The following DLG2 variants were observed in gnomAD, a reference collection of about 807,000 sequenced individuals.
DLG2 encodes discs large MAGUK scaffold protein 2.
Under a neutral mutation model 132.5 loss-of-function variants are expected in DLG2, and 45 were observed. The observed-to-expected ratio is 0.34, with a 90% CI of 0.27 to 0.44. DLG2 has a LOEUF of 0.44. Ranked by LOEUF, DLG2 falls within the 20% of genes least tolerant of loss-of-function variation. DLG2 has a pLI of 1.00. For synonymous variants in DLG2, 424 were observed against 419.6 expected (o/e 1.01, Z -0.13); for missense variants, 1,045 against 1,196.9 (o/e 0.87, Z 1.87).
chr11:83,958,253 G>A (rs1680715304), intron 14 of DLG2, among the ~76,000 whole-genome samples: 1 of 152,132 alleles, frequency 6.6e-6, no homozygotes, highest in Non-Finnish European at 1.5e-5. Context: ...GAGTAGATGT[G>A]GACTCCAGAC....
At chr11:85,114,829 G>A (rs973539272) in intron 5 of DLG2, among the ~76,000 whole-genome samples, 10 of 151,836 alleles carry the variant, frequency 6.6e-5, no homozygotes, top group African/African-American at 2.4e-4. Context: ...AAAAACATGG[G>A]AATATTTTTT....
chr11:84,321,885 G>A (rs1244899321), intron 7 of DLG2, among the ~76,000 whole-genome samples: 1 of 152,090 alleles, frequency 6.6e-6, no homozygotes, highest in African/African-American at 2.4e-5. Context: ...TGAATACCGG[G>A]TCACCTTCTA....
chr11:84,341,717 CT>C (rs1392949787), intron 7 of DLG2, among the ~76,000 whole-genome samples: 2 of 152,220 alleles, frequency 1.3e-5, no homozygotes, highest in African/African-American at 4.8e-5. Context: ...GTAAAAAACA[CT>C]TTTTGAATGG....
intron 12 of DLG2, among the ~76,000 whole-genome samples, chr11:83,969,012 A>G (rs1050691059): frequency 6.6e-6 from 1 of 152,218 alleles, no homozygotes; most frequent in Non-Finnish European, 1.5e-5. Flanking sequence ...TAATACTTGC[A>G]TGCCATATAT....
intron 6 of DLG2, among the ~76,000 whole-genome samples, chr11:84,537,386 G>A (rs910540900): frequency 3.0e-4 from 46 of 152,052 alleles, no homozygotes; most frequent in Admixed American, 8.5e-4. Flanking sequence ...GATTACAGGC[G>A]TGAGCCACCG....
intron 6 of DLG2, among the ~76,000 whole-genome samples, chr11:84,975,269 A>G (rs1245083525): frequency 6.6e-6 from 1 of 152,190 alleles, no homozygotes; most frequent in East Asian, 1.9e-4. Flanking sequence ...GGCTCAGCTA[A>G]TAATATACAC....
intron 3 of DLG2, among the ~76,000 whole-genome samples, chr11:85,500,098 C>T (rs987056448): frequency 6.6e-6 from 1 of 151,980 alleles, no homozygotes; most frequent in Non-Finnish European, 1.5e-5. Flanking sequence ...CTGGCCAGGG[C>T]AATCAGGCAG....
intron 8 of DLG2, among the ~76,000 whole-genome samples, chr11:84,187,476 C>A (rs2096299550): frequency 6.6e-6 from 1 of 151,998 alleles, no homozygotes; most frequent in Admixed American, 6.6e-5. Flanking sequence ...GAAGCATCCC[C>A]CTTTTCTGAG....
At chr11:83,951,811 T>G (rs2085513072) in intron 14 of DLG2, among the ~76,000 whole-genome samples, 1 of 152,046 alleles carries the variant, frequency 6.6e-6, no homozygotes, top group South Asian at 2.1e-4. Context: ...GCAGCATGAG[T>G]AACAAAGGCA....
chr11:84,772,342 ATAGG>A lies in DLG2; in HGVS notation c.358-237615_358-237612del, dbSNP rs1197292999. 4.0e-5 allele frequency among the ~76,000 whole-genome samples: 6 copies of A among 151,592 alleles called. No individual in the cohort carries two copies. In the East Asian group the frequency reaches 1.2e-3, roughly 29 times the overall value. ...AAAATACTTAGACATCTGCAGAATA[ATAGG>A]TAGGATTTCAACACACCACTGACAG... On this transcript the variant is annotated intron_variant, in intron 6 of 27. Coordinates refer to ENST00000376104, the MANE Select transcript of DLG2 (RefSeq NM_001142699.3).
intron 3 of DLG2, among the ~76,000 whole-genome samples, chr11:85,500,030 C>G (rs2093760503): frequency 6.6e-6 from 1 of 152,102 alleles, no homozygotes; most frequent in African/African-American, 2.4e-5. Flanking sequence ...CCTTTGAAAA[C>G]TGGCACAAGA....
chr11:84,415,411 T>G (rs1341934965), intron 7 of DLG2, among the ~76,000 whole-genome samples: 2 of 152,232 alleles, frequency 1.3e-5, no homozygotes, highest in Non-Finnish European at 2.9e-5. Flanking sequence ...ATGAACATTA[T>G]GTACAAAGCA....
At chr11:85,262,467 C>T (rs1035019406) in intron 4 of DLG2, among the ~76,000 whole-genome samples, 25 of 152,074 alleles carry the variant, frequency 1.6e-4, no homozygotes, top group African/African-American at 5.6e-4. Context: ...AGAAACCACC[C>T]GTACTTCCAC....
chr11:84,585,878 C>A (rs1337840894), intron 6 of DLG2, among the ~76,000 whole-genome samples: 2 of 152,166 alleles, frequency 1.3e-5, no homozygotes, highest in East Asian at 3.9e-4. Context: ...AGCGTTAACG[C>A]TGTGGGCTTA....
intron 3 of DLG2, among the ~76,000 whole-genome samples, chr11:85,591,858 G>C (rs1310347167): frequency 6.6e-6 from 1 of 152,124 alleles, no homozygotes; most frequent in East Asian, 1.9e-4. Flanking sequence ...TTTAATGCTT[G>C]TCTCCCCAGT....
intron 6 of DLG2, among the ~76,000 whole-genome samples, chr11:84,818,256 T>C (rs17147605): frequency 0.025 from 3,805 of 152,106 alleles, 180 homozygotes; most frequent in African/African-American, 0.088. Flanking sequence ...AAATATTCTA[T>C]TCTTCCTATG....
At chr11:83,816,127 A>T (rs1438221154) in intron 17 of DLG2, among the ~76,000 whole-genome samples, 1 of 152,164 alleles carries the variant, frequency 6.6e-6, no homozygotes, top group Non-Finnish European at 1.5e-5. Flanking sequence ...TCTTTATAAA[A>T]ATGCAGCAAC....
At chr11:84,448,647 T>C (rs1338679812) in intron 7 of DLG2, among the ~76,000 whole-genome samples, 1 of 152,042 alleles carries the variant, frequency 6.6e-6, no homozygotes, top group Admixed American at 6.6e-5. Flanking sequence ...TATGAAAATT[T>C]TTCCAGATAA....
chr11:84,423,543 A>C (rs547411590), intron 7 of DLG2, among the ~76,000 whole-genome samples: 2 of 152,272 alleles, frequency 1.3e-5, no homozygotes, highest in African/African-American at 4.8e-5. Context: ...CATCATATTC[A>C]TCACACTATG....
Sources: allele counts gnomAD v4.1 joint callset (sites outside exome capture counted in the v4.1 genomes callset), GRCh38; gene constraint gnomAD v4.1.1; transcripts MANE v1.5; gene names NCBI Gene and HGNC (gene_info 2026-07-23, HGNC 2026-07-21).